CRB1: variants seen among roughly 807,000 people sequenced by gnomAD.
CRB1 encodes the protein crumbs cell polarity complex component 1.
In CRB1, 83 loss-of-function variants were observed where a neutral mutation model predicts 120.0. The observed-to-expected ratio is 0.69, with a 90% CI of 0.58 to 0.83. CRB1 has a LOEUF of 0.83. Ranked by LOEUF, CRB1 falls within the 40% of genes least tolerant of loss-of-function variation. CRB1 has a pLI of 0.00. For missense variants in CRB1, 1,699 were observed against 1,687.6 expected, an observed-to-expected ratio of 1.01 and a Z score of -0.12; for synonymous variants, 625 against 612.5, an observed-to-expected ratio of 1.02 and a Z score of -0.30.
At chr1:197,296,573 A>G (rs1358937467) in intron 1 of CRB1, among the ~76,000 whole-genome samples, 5 of 152,086 alleles carry the variant, frequency 3.3e-5, no homozygotes, top group Non-Finnish European at 7.4e-5. Flanking sequence ...GTGATTTATC[A>G]TTGAGATCCC....
the CRB1 span, among the ~76,000 whole-genome samples, chr1:197,240,294 G>A: frequency 6.6e-6 from 1 of 151,920 alleles, no homozygotes; most frequent in Non-Finnish European, 1.5e-5. Context: ...AAGTATACAC[G>A]TGCCATGGTG....
the CRB1 span, among the ~76,000 whole-genome samples, chr1:197,263,008 C>A: frequency 6.6e-6 from 1 of 151,978 alleles, no homozygotes; most frequent in Non-Finnish European, 1.5e-5. Context: ...ATGTGTATTT[C>A]TTGTAGAATG....
intron 5 of CRB1, among the ~76,000 whole-genome samples, chr1:197,386,264 T>C (rs1244911082): frequency 6.6e-6 from 1 of 152,124 alleles, no homozygotes; most frequent in Non-Finnish European, 1.5e-5. Context: ...GATCAAACGA[T>C]ATGGTAAATA....
chr1:197,202,783 T>C, the CRB1 span, among the ~76,000 whole-genome samples: 1 of 152,360 alleles, frequency 6.6e-6, no homozygotes, highest in African/African-American at 2.4e-5. Context: ...GATTTGATAT[T>C]GCCAGTTTTA....
At chr1:197,457,681 G>A (rs772786303) in intron 11 of CRB1, among the ~76,000 whole-genome samples, 13 of 152,126 alleles carry the variant, frequency 8.5e-5, no homozygotes, top group Non-Finnish European at 1.6e-4. Context: ...CAGGGCTGGC[G>A]GTAGGGTAGA....
At chr1:197,275,734 T>C (rs748079884) in intron 1 of CRB1, among the ~76,000 whole-genome samples, 2 of 152,012 alleles carry the variant, frequency 1.3e-5, no homozygotes, top group East Asian at 1.9e-4. Flanking sequence ...GTCTTCCATA[T>C]GTGAATGTTC....
At chr1:197,357,217 AT>A (rs1440539094) in intron 5 of CRB1, 1 of 645,500 alleles carries the variant, frequency 1.5e-6, no homozygotes, top group Non-Finnish European at 2.8e-6. Context: ...TTAAAGAGGG[AT>A]AAAGGAGGAA....
At chr1:197,387,130 A>G (rs549124705) in intron 5 of CRB1, among the ~76,000 whole-genome samples, 31 of 151,964 alleles carry the variant, frequency 2.0e-4, no homozygotes, top group African/African-American at 6.5e-4. Context: ...TTTTTGAGAC[A>G]GTCTCTCTGT....
chr1:197,343,860 T>C (rs1366209818), intron 2 of CRB1, among the ~76,000 whole-genome samples: 1 of 152,330 alleles, frequency 6.6e-6, no homozygotes, highest in East Asian at 1.9e-4. Flanking sequence ...AATAAGTGGC[T>C]GTGCCAGGAT....
chr1:197,279,685 AG>A (rs1006020712), intron 1 of CRB1, among the ~76,000 whole-genome samples: 27 of 151,708 alleles, frequency 1.8e-4, no homozygotes, highest in Non-Finnish European at 3.4e-4. Context: ...ACTAAGGCAA[AG>A]TTTGCATAAA....
At chr1:197,461,228 C>T (rs1019957863) in intron 11 of CRB1, among the ~76,000 whole-genome samples, 3 of 152,156 alleles carry the variant, frequency 2.0e-5, no homozygotes, top group Admixed American at 6.6e-5. Context: ...TTGAGCTTCA[C>T]ATTCACATTG....
upstream of CRB1, among the ~76,000 whole-genome samples, chr1:197,265,862 A>T (rs569280378): frequency 6.6e-6 from 1 of 152,120 alleles, no homozygotes; most frequent in African/African-American, 2.4e-5. Flanking sequence ...TGTGCTTTCC[A>T]TCTGCCCTTT....
At chr1:197,231,013 G>A in the CRB1 span, among the ~76,000 whole-genome samples, 1 of 152,168 alleles carries the variant, frequency 6.6e-6, no homozygotes. Context: ...ACTATTAAGT[G>A]TTATACAAAT....
intron 5 of CRB1, among the ~76,000 whole-genome samples, chr1:197,376,962 C>A (rs1372736214): frequency 6.6e-6 from 1 of 152,124 alleles, no homozygotes; most frequent in African/African-American, 2.4e-5. Flanking sequence ...AGGCCAAACT[C>A]ATTTCTGCCT....
chr1:197,340,282 A>C (rs1249218813), intron 2 of CRB1, among the ~76,000 whole-genome samples: 3 of 152,122 alleles, frequency 2.0e-5, no homozygotes, highest in Admixed American at 2.0e-4. Context: ...ATTACAAGTA[A>C]GGGAAATACC....
At chr1:197,243,017 A>C in the CRB1 span, among the ~76,000 whole-genome samples, 1 of 151,582 alleles carries the variant, frequency 6.6e-6, no homozygotes, top group Non-Finnish European at 1.5e-5. Flanking sequence ...ATCAGTGGTG[A>C]TATCCCCTTT....
intron 1 of CRB1, among the ~76,000 whole-genome samples, chr1:197,287,628 A>G (rs980112478): frequency 1.3e-5 from 2 of 151,778 alleles, no homozygotes; most frequent in African/African-American, 4.8e-5. Context: ...AAGATGTTAG[A>G]GACAGTAACA....
the CRB1 span, among the ~76,000 whole-genome samples, chr1:197,203,101 G>A: frequency 4.6e-5 from 7 of 152,094 alleles, no homozygotes; most frequent in Non-Finnish European, 1.0e-4. Flanking sequence ...TTAACAGAAT[G>A]AAAGATGAAA....
chr1:197,309,348 G>A (rs970405458), intron 1 of CRB1, among the ~76,000 whole-genome samples: 6 of 152,010 alleles, frequency 3.9e-5, no homozygotes, highest in African/African-American at 1.5e-4. Flanking sequence ...TTTCTGGTTG[G>A]TATGTGGACT....
Sources: allele counts gnomAD v4.1 joint callset (sites outside exome capture counted in the v4.1 genomes callset), GRCh38; gene constraint gnomAD v4.1.1; transcripts MANE v1.5; gene names NCBI Gene and HGNC (gene_info 2026-07-23, HGNC 2026-07-21).